The following TRIM33 variants were observed in gnomAD, a reference collection of about 807,000 sequenced individuals.
The protein encoded by TRIM33 is tripartite motif containing 33, also known as E3 ubiquitin-protein ligase TRIM33.
In TRIM33, 20 loss-of-function variants were observed where a neutral mutation model predicts 125.4. That is an observed-to-expected ratio of 0.16 (90% CI 0.11 to 0.23). TRIM33 has a LOEUF of 0.23. Among genes scored for constraint, TRIM33 ranks in the 10% least tolerant of loss-of-function variants. The pLI is 1.00. For missense variants in TRIM33, 920 were observed against 1,411.4 expected (o/e 0.65, Z 5.58); for synonymous variants, 564 against 513.9 (o/e 1.10, Z -1.32).
chr1:114,511,163 G>T lies in TRIM33; in HGVS notation c.-87C>A. On this transcript the variant is annotated 5_prime_UTR_variant, in exon 1 of 20. Transcript: ENST00000358465. ...GCCGCCCCCAGCCCCAGCCGCAGCC[G>T]CAGCAAGAGCGGCAGCCGAGAGCTA... is the stretch of plus-strand genomic sequence containing the variant. 9.6e-7 allele frequency: 1 copy of T among 1,041,462 alleles called. No individual in the cohort carries two copies. The highest frequency in any genetic ancestry group is 1.2e-6 in the Non-Finnish European group (1 of 864,700). The allele number at this position is 1,041,462 out of a possible 1,614,324, so 64.5% of individuals were successfully genotyped here. A position where few individuals can be genotyped will look rare whatever the true frequency, so the allele number is the denominator to read the frequency against.
chr1:114,445,635 A>G (rs1648927596), intron 4 of TRIM33, among the ~76,000 whole-genome samples: 1 of 152,206 alleles, frequency 6.6e-6, no homozygotes, highest in Non-Finnish European at 1.5e-5. Context: ...AGACAAACAT[A>G]TCTAAAAACT....
intron 1 of TRIM33, chr1:114,468,663 C>T: frequency 4.5e-6 from 2 of 440,430 alleles, no homozygotes; most frequent in Non-Finnish European, 4.6e-6. Flanking sequence ...AGAGTATGAC[C>T]TTAATATTAT....
chr1:114,446,210 C>T (rs1375763100), intron 4 of TRIM33, among the ~76,000 whole-genome samples: 1 of 152,074 alleles, frequency 6.6e-6, no homozygotes, highest in African/African-American at 2.4e-5. Flanking sequence ...GTCAGCAAAC[C>T]TGCAAAACAA....
intron 1 of TRIM33, among the ~76,000 whole-genome samples, chr1:114,486,760 G>C (rs143016695): frequency 6.6e-6 from 1 of 152,196 alleles, no homozygotes; most frequent in Non-Finnish European, 1.5e-5. Flanking sequence ...GAGCTGCAGA[G>C]TTCCAGAAGG....
intron 11 of TRIM33, among the ~76,000 whole-genome samples, chr1:114,413,284 C>T (rs1036821322): frequency 6.6e-6 from 1 of 151,970 alleles, no homozygotes; most frequent in African/African-American, 2.4e-5. Flanking sequence ...AGTAGCTGGG[C>T]GCAGTGGCTC....
intron 9 of TRIM33, 23 bp downstream of exon 9, chr1:114,425,426 T>C: frequency 6.2e-7 from 1 of 1,609,734 alleles, no homozygotes; most frequent in Non-Finnish European, 8.5e-7. Flanking sequence ...TTTCTATCAA[T>C]AATGTAGTAA....
At chr1:114,505,392 G>C (rs1241643583) in intron 1 of TRIM33, among the ~76,000 whole-genome samples, 3 of 151,958 alleles carry the variant, frequency 2.0e-5, no homozygotes. Flanking sequence ...CACACTCCAG[G>C]GACAAGAAAT....
chr1:114,440,384 G>A (rs552440958), intron 4 of TRIM33, among the ~76,000 whole-genome samples: 19 of 150,912 alleles, frequency 1.3e-4, no homozygotes, highest in African/African-American at 4.4e-4. Context: ...TTCAAGGAAA[G>A]AGGAAAGTTC....
chr1:114,490,549 G>T (rs1652002118), intron 1 of TRIM33, among the ~76,000 whole-genome samples: 2 of 152,094 alleles, frequency 1.3e-5, no homozygotes, highest in African/African-American at 4.8e-5. Flanking sequence ...ACACCCAAGA[G>T]AAATGAAAAC....
chr1:114,453,650 A>G (rs1490252752), intron 4 of TRIM33, among the ~76,000 whole-genome samples: 2 of 152,208 alleles, frequency 1.3e-5, no homozygotes, highest in African/African-American at 4.8e-5. Context: ...GAGCCAAGCT[A>G]GATAGTCTGT....
Position 114,416,459 on chromosome 1 carries a change from T to C in TRIM33, c.2061+4977A>G, listed in dbSNP as rs532573842. On this transcript the variant is annotated intron_variant, in intron 11 of 19. Transcript: ENST00000358465. ...ACCTAACTATATCACCATTAATACA[T>C]CTGACTTAGTATAATCAAAAGCTAT... Among the ~76,000 whole-genome samples the C allele has an allele frequency of 5.9e-5, 9 of 152,336 alleles. No homozygotes were observed. The East Asian group carries it at 1.7e-3, about 29-fold the overall frequency.
At chr1:114,411,900 C>T (rs1652614291) in intron 11 of TRIM33, among the ~76,000 whole-genome samples, 1 of 151,748 alleles carries the variant, frequency 6.6e-6, no homozygotes, top group Admixed American at 6.6e-5. Context: ...TTTGAGCATC[C>T]CTGAATAAGT....
chr1:114,420,308 T>C, intron 11 of TRIM33: 4 of 851,356 alleles, frequency 4.7e-6, no homozygotes, highest in Non-Finnish European at 5.3e-6. Flanking sequence ...ATCTTGGCCT[T>C]CTAACCCCAT....
chr1:114,507,277 C>T (rs949964753), intron 1 of TRIM33, among the ~76,000 whole-genome samples: 1 of 152,142 alleles, frequency 6.6e-6, no homozygotes, highest in Non-Finnish European at 1.5e-5. Context: ...ACAGGAGGTC[C>T]GGAATGCGGC....
chr1:114,493,958 G>C (rs748271430), intron 1 of TRIM33, among the ~76,000 whole-genome samples: 1 of 151,536 alleles, frequency 6.6e-6, no homozygotes, highest in South Asian at 2.1e-4. Context: ...CCCAAGTAGC[G>C]GGATTACAAG....
intron 1 of TRIM33, 135 bp from the exon 2 acceptor site, chr1:114,464,523 A>G: frequency 2.0e-6 from 1 of 491,722 alleles, no homozygotes; most frequent in Non-Finnish European, 3.6e-6. Context: ...AAAATAACCC[A>G]GCGAGTTATT....
chr1:114,414,989 ATTTTTT>A (rs56960865), intron 11 of TRIM33, among the ~76,000 whole-genome samples: 13 of 104,700 alleles, frequency 1.2e-4, no homozygotes, highest in African/African-American at 3.4e-4. Context: ...GGTAGATTCT[ATTTTTT>A]TTTTTTTTTT....
chr1:114,500,714 A>G (rs1222873915), intron 1 of TRIM33, among the ~76,000 whole-genome samples: 1 of 152,028 alleles, frequency 6.6e-6, no homozygotes, highest in Non-Finnish European at 1.5e-5. Context: ...AACAAAACTT[A>G]CTGCTTATTA....
chr1:114,482,679 T>C (rs561891543), intron 1 of TRIM33, among the ~76,000 whole-genome samples: 3 of 152,160 alleles, frequency 2.0e-5, no homozygotes, highest in South Asian at 2.1e-4. Context: ...TGGGAGGTGA[T>C]TGGATCACGG....
Sources: gnomAD v4.1 joint callset for allele counts (sites outside exome capture counted in the v4.1 genomes callset) on GRCh38, gnomAD v4.1.1 for gene constraint, MANE v1.5 for transcripts, NCBI Gene and HGNC (gene_info 2026-07-23, HGNC 2026-07-21) for gene names.